BEST3: variants seen among roughly 807,000 people sequenced by gnomAD.
BEST3 encodes the protein bestrophin-3.
A neutral mutation model predicts 47.1 loss-of-function variants in BEST3; 50 were observed. The observed-to-expected ratio is 1.06, with a 90% confidence interval of 0.85 to 1.34. The LOEUF is 1.34. Ranked by LOEUF, BEST3 falls within the 40% of genes most tolerant of loss-of-function variation. The pLI is 0.00. For synonymous variants in BEST3, 282 were observed against 298.8 expected, an observed-to-expected ratio of 0.94 and a Z score of 0.58; for missense variants, 765 against 817.0, an observed-to-expected ratio of 0.94 and a Z score of 0.78.
At chr12:69,659,353 G>A (rs183312769) in intron 9 of BEST3, among the ~76,000 whole-genome samples, 23 of 152,112 alleles carry the variant, frequency 1.5e-4, no homozygotes, top group Admixed American at 4.6e-4. Context: ...AATAGAATAC[G>A]TATATATTTA....
intron 9 of BEST3, 127 bp from the exon 10 acceptor site, chr12:69,655,940 G>A: frequency 7.2e-7 from 1 of 1,391,582 alleles, no homozygotes; most frequent in Non-Finnish European, 9.5e-7. Flanking sequence ...GGGGTTTGAG[G>A]ACTTGAGATA....
chr12:69,667,660 A>G (rs916059135), intron 9 of BEST3, among the ~76,000 whole-genome samples: 1 of 152,220 alleles, frequency 6.6e-6, no homozygotes, highest in Non-Finnish European at 1.5e-5. Flanking sequence ...TTGAGTCACC[A>G]GGCTGGGTGA....
intron 4 of BEST3, among the ~76,000 whole-genome samples, chr12:69,686,787 A>AAAAAACAAAAAAAAG (rs1555208539): frequency 1.1e-5 from 1 of 88,330 alleles, no homozygotes; most frequent in Non-Finnish European, 2.3e-5. Flanking sequence ...AACAAAAAAA[A>AAAAAACAAAAAAAAG]AAGAAAGAAA....
intron 1 of BEST3, among the ~76,000 whole-genome samples, 190 bp downstream of exon 1, chr12:69,699,015 G>A (rs556090324): frequency 5.9e-5 from 9 of 152,300 alleles, no homozygotes; most frequent in South Asian, 4.1e-4. Flanking sequence ...TGGGAGAGGA[G>A]CATAATAAAT....
At chr12:69,666,893 G>A (rs144975924) in intron 9 of BEST3, among the ~76,000 whole-genome samples, 30 of 152,172 alleles carry the variant, frequency 2.0e-4, no homozygotes, top group African/African-American at 6.7e-4. Context: ...TGTCCCTTCT[G>A]TCACCTCTAC....
intron 4 of BEST3, among the ~76,000 whole-genome samples, chr12:69,679,347 A>T (rs1409060220): frequency 6.6e-6 from 1 of 152,206 alleles, no homozygotes; most frequent in Non-Finnish European, 1.5e-5. Flanking sequence ...TCTCCTTTCC[A>T]AGTCCTACTT....
chr12:69,650,984 G>A (rs1883190703), downstream of BEST3, among the ~76,000 whole-genome samples: 1 of 152,240 alleles, frequency 6.6e-6, no homozygotes, highest in African/African-American at 2.4e-5. Context: ...AGTGGTGCAT[G>A]TCTGTAAGCC....
rs2136045830 is a variant in BEST3 at position 69,693,850 on chromosome 12, C to A, written c.305G>T (p.Trp102Leu). Residue 102 changes from tryptophan (W) to leucine (L), a missense_variant, in exon 4 of 10, where the codon TGG (tryptophan) becomes TTG (leucine). Coordinates refer to ENST00000330891, the MANE Select transcript of BEST3 (RefSeq NM_032735.3). The stretch of plus-strand genomic sequence containing the variant: ...GATGAGGAACATTAGCCTGTCTGGC[C>A]AGGGCAAATTCACAAACTGGTTCCA... ...RWWNQFVNLP[W>L]PDRLMFLISS... 1 of 1,613,870 alleles carries A rather than the reference C, an allele frequency of 6.2e-7. No individual in the cohort carries two copies. The highest frequency in any genetic ancestry group is 8.5e-7 in the Non-Finnish European group (1 of 1,179,898).
At chr12:69,657,370 A>G (rs1181647806) in intron 9 of BEST3, among the ~76,000 whole-genome samples, 1 of 152,168 alleles carries the variant, frequency 6.6e-6, no homozygotes, top group Admixed American at 6.6e-5. Flanking sequence ...TGCTGGGATT[A>G]CAGGCATGAG....
intron 9 of BEST3, among the ~76,000 whole-genome samples, chr12:69,645,739 A>T (rs1451521079): frequency 6.6e-6 from 1 of 152,114 alleles, no homozygotes; most frequent in East Asian, 1.9e-4. Flanking sequence ...AGCTGTCGTG[A>T]GGACCGATTG....
chr12:69,666,757 T>A (rs1884248704), intron 9 of BEST3, among the ~76,000 whole-genome samples: 1 of 152,238 alleles, frequency 6.6e-6, no homozygotes, highest in Admixed American at 6.5e-5. Context: ...GAATTGCCCA[T>A]AGAGGCCTCA....
At chr12:69,669,602 T>A (rs1282973310) in intron 9 of BEST3, 2 of 152,226 alleles carry the variant, frequency 1.3e-5, no homozygotes, top group East Asian at 3.8e-4. Flanking sequence ...TCTGCTTCAG[T>A]TTGACATCCA....
intron 9 of BEST3, among the ~76,000 whole-genome samples, chr12:69,658,789 G>A (rs901221398): frequency 6.6e-6 from 1 of 152,228 alleles, no homozygotes; most frequent in South Asian, 2.1e-4. Context: ...GTGAGAAATA[G>A]GAGATACTTG....
intron 9 of BEST3, among the ~76,000 whole-genome samples, chr12:69,661,887 CT>C (rs1428733163): frequency 6.6e-6 from 1 of 152,182 alleles, no homozygotes; most frequent in Non-Finnish European, 1.5e-5. Flanking sequence ...GAAGTGGCCT[CT>C]TGTGCCTTTA....
Position 69,655,685 on chromosome 12 carries a change from C to T in BEST3, c.1229G>A (p.Arg410Lys), listed in dbSNP as rs761876753. Residue 410 changes from arginine to lysine, a missense_variant, in exon 10 of 10, where the codon AGA becomes AAA. By Grantham distance (26) the Arg-to-Lys change is conservative. Coordinates refer to ENST00000330891, the MANE Select transcript of BEST3 (RefSeq NM_032735.3). ...SAHEHPSSPR[R>K]RSYRRQTSDS... ...ACTTGTCTGCCTCCTGTAGCTTCTT[C>T]TTCTGGGGCTGGAGGGGTGTTCGTG... 1.9e-6 allele frequency: 3 copies of T among 1,613,874 alleles called. No individual in the cohort carries two copies. Among genetic ancestry groups the T allele is most frequent in the Non-Finnish European group, 2.5e-6 (3 of 1,180,000 alleles).
At chr12:69,666,566 C>T (rs1052400604) in intron 9 of BEST3, among the ~76,000 whole-genome samples, 28 of 152,162 alleles carry the variant, frequency 1.8e-4, no homozygotes, top group African/African-American at 6.3e-4. Flanking sequence ...TTGACCATTC[C>T]TACTCTGACT....
rs750042208 is a variant in BEST3, at chr12:69,697,688, A to T, written c.111T>A (p.Ile37=). The T allele has an allele frequency of 1.9e-5, 31 of 1,610,274 alleles. No homozygotes were observed. Among genetic ancestry groups the T allele is most frequent in the Non-Finnish European group, 2.2e-5 (26 of 1,178,548 alleles). Residue 37 remains isoleucine (I), a synonymous_variant, in exon 2 of 10, where the codon ATT becomes ATA. Coordinates refer to ENST00000330891, the MANE Select transcript of BEST3 (RefSeq NM_032735.3). The part of the protein sequence containing the change: ...SIYKLLYREF[I]VFAVLYTAIS... The stretch of plus-strand genomic sequence containing the variant: ...TTGCTGTATAAAGAACAGCAAAAAC[A>T]ATAAATTCCCTGTACAGTAGTTTGT...
chr12:69,655,253 T>C lies in BEST3; in HGVS notation c.1661A>G (p.Glu554Gly). 1 of 1,614,186 alleles carries C rather than the reference T, an allele frequency of 6.2e-7. No individual in the cohort carries two copies. The highest frequency in any genetic ancestry group is 1.3e-5 in the African/African-American group (1 of 75,040). Residue 554 changes from glutamate to glycine, a missense_variant, in exon 10 of 10, where the codon GAG becomes GGG. By Grantham distance (98) the Glu-to-Gly change is moderately conservative (BLOSUM62 -2). Coordinates refer to ENST00000330891, the MANE Select transcript of BEST3 (RefSeq NM_032735.3). ...GGGGCCTCCAGGAGGTGTCTCCTTC[T>C]CTGAGGGAGACAGGATGGATCCCAT... ...GPMGSILSPS[E>G]KETPPGGPSP...
intron 4 of BEST3, among the ~76,000 whole-genome samples, chr12:69,688,898 G>C (rs1486007415): frequency 6.6e-6 from 1 of 152,140 alleles, no homozygotes; most frequent in African/African-American, 2.4e-5. Flanking sequence ...TGGTATCGTG[G>C]GATCCAAATT....
Sources: gnomAD v4.1 joint callset for allele counts (sites outside exome capture counted in the v4.1 genomes callset) on GRCh38, gnomAD v4.1.1 for gene constraint, MANE v1.5 for transcripts, NCBI Gene and HGNC (gene_info 2026-07-23, HGNC 2026-07-21) for gene names.